VWA8: variants seen among roughly 807,000 people sequenced by gnomAD.
The protein encoded by VWA8 is von Willebrand factor A domain-containing protein 8.
Under a neutral mutation model 241.5 loss-of-function variants are expected in VWA8, and 221 were observed. That is an observed-to-expected ratio of 0.91 (90% CI 0.82 to 1.02). The LOEUF (loss-of-function observed/expected upper bound fraction) is 1.02, where lower values mean the gene tolerates loss of function less well. Among genes scored for constraint, VWA8 ranks in the 50% least tolerant of loss-of-function variants. The probability of loss-of-function intolerance (pLI) is 0.00; values close to 1 mark genes in which losing one functional copy is unlikely to be tolerated. For synonymous variants in VWA8, 852 were observed against 827.1 expected (o/e 1.03, Z -0.52); for missense variants, 2,322 against 2,328.7 (o/e 1.00, Z 0.06).
At chr13:41,800,419 G>A (rs1207140480) in intron 17 of VWA8, among the ~76,000 whole-genome samples, 1 of 152,092 alleles carries the variant, frequency 6.6e-6, no homozygotes, top group African/African-American at 2.4e-5. Context: ...GTAGTGTATG[G>A]GGAGGACATC....
At chr13:41,931,529 G>A (rs1877120048) in intron 2 of VWA8, among the ~76,000 whole-genome samples, 1 of 152,008 alleles carries the variant, frequency 6.6e-6, no homozygotes, top group South Asian at 2.1e-4. Context: ...ACTGTACTGT[G>A]AAATTGTATT....
At chr13:41,730,551 T>C (rs2045474284) in intron 22 of VWA8, among the ~76,000 whole-genome samples, 1 of 152,100 alleles carries the variant, frequency 6.6e-6, no homozygotes, top group African/African-American at 2.4e-5. Context: ...ACAGAATCTA[T>C]AGTCTTGGCA....
At chr13:41,663,825 C>T (rs1033296498) in intron 37 of VWA8, among the ~76,000 whole-genome samples, 1 of 150,360 alleles carries the variant, frequency 6.7e-6, no homozygotes, top group Non-Finnish European at 1.5e-5. Flanking sequence ...TTCTACTTTA[C>T]GATGTAGAAA....
chr13:41,937,653 A>G (rs1877411487), intron 2 of VWA8, among the ~76,000 whole-genome samples: 1 of 152,174 alleles, frequency 6.6e-6, no homozygotes, highest in Non-Finnish European at 1.5e-5. Context: ...CCCATCAGTT[A>G]TACCATGTAG....
intron 37 of VWA8, among the ~76,000 whole-genome samples, chr13:41,656,192 G>A (rs559729976): frequency 2.6e-5 from 4 of 152,290 alleles, no homozygotes; most frequent in Non-Finnish European, 4.4e-5. Context: ...TAAATATGAA[G>A]GCAGAGCAGT....
chr13:41,585,396 T>G (rs2044410681), intron 42 of VWA8, among the ~76,000 whole-genome samples: 1 of 151,718 alleles, frequency 6.6e-6, no homozygotes. Flanking sequence ...AACCAATTTG[T>G]TGGTTAATTC....
intron 20 of VWA8, among the ~76,000 whole-genome samples, chr13:41,772,004 C>T (rs2045827656): frequency 6.6e-6 from 1 of 151,706 alleles, no homozygotes; most frequent in African/African-American, 2.4e-5. Flanking sequence ...GATTCTCCCG[C>T]CTCAGCCTCC....
intron 19 of VWA8, among the ~76,000 whole-genome samples, chr13:41,782,791 G>C (rs779985578): frequency 2.0e-5 from 3 of 151,910 alleles, no homozygotes; most frequent in Admixed American, 1.3e-4. Context: ...ACAGCCACTT[G>C]ACAGAAAAGT....
chr13:41,910,816 A>G (rs1452502996), intron 3 of VWA8, among the ~76,000 whole-genome samples: 1 of 152,124 alleles, frequency 6.6e-6, no homozygotes, highest in Non-Finnish European at 1.5e-5. Flanking sequence ...TCTGCCCCAC[A>G]TGATTTTTGA....
Position 41,787,518 on chromosome 13 carries a change from C to T in VWA8, c.2089G>A (p.Ala697Thr), listed in dbSNP as rs535298426. Residue 697 changes from alanine to threonine, a missense_variant, in exon 18 of 45, where the codon GCA (alanine) becomes ACA (threonine). Ala to Thr is a moderately conservative substitution (Grantham distance 58). Coordinates refer to ENST00000379310, the MANE Select transcript of VWA8 (RefSeq NM_015058.2). ...SRFLPSLARSALEKNLADATI... is the reference protein window; with the variant it reads ...SRFLPSLARSTLEKNLADATI... ...GCATCTGCCAGATTTTTTTCTAATG[C>T]TGACCTAGCAAGACTGGGTAAAAAC... is the stretch of plus-strand genomic sequence containing the variant. 40 of 1,611,848 alleles carry T rather than the reference C, an allele frequency of 2.5e-5. No individual in the cohort carries two copies. In the East Asian group the frequency reaches 2.9e-4, roughly 12 times the overall value.
At chr13:41,829,260 T>G (rs1265971503) in intron 14 of VWA8, among the ~76,000 whole-genome samples, 1 of 152,186 alleles carries the variant, frequency 6.6e-6, no homozygotes, top group Non-Finnish European at 1.5e-5. Context: ...GGCATGCATG[T>G]GGTGAAAAAG....
intron 21 of VWA8, among the ~76,000 whole-genome samples, chr13:41,745,623 A>G (rs11842978): frequency 0.19 from 29,139 of 152,178 alleles, 2,793 homozygotes; most frequent in Middle Eastern, 0.24. Flanking sequence ...ATCATCACTG[A>G]TCATCAGAGA....
At chr13:41,844,861 AAGG>A (rs1872217664) in intron 12 of VWA8, among the ~76,000 whole-genome samples, 1 of 152,170 alleles carries the variant, frequency 6.6e-6, no homozygotes, top group African/African-American at 2.4e-5. Flanking sequence ...AGATCTCTAC[AAGG>A]AGAACTATAA....
At chr13:41,768,850 T>C (rs1442124865) in intron 20 of VWA8, among the ~76,000 whole-genome samples, 1 of 151,816 alleles carries the variant, frequency 6.6e-6, no homozygotes, top group Non-Finnish European at 1.5e-5. Context: ...CTAAATTCAA[T>C]GACCAGGCTT....
intron 42 of VWA8, among the ~76,000 whole-genome samples, chr13:41,576,487 A>G (rs2044351142): frequency 6.6e-6 from 1 of 152,242 alleles, no homozygotes; most frequent in Non-Finnish European, 1.5e-5. Flanking sequence ...GCTGTGTTTT[A>G]AATGGAAAGA....
chr13:41,699,247 C>T lies in VWA8; in HGVS notation c.3388G>A (p.Val1130Ile). The part of the protein sequence containing the change: ...SHENEQNTLY[V>I]VTCNPASLYF... ...AGGGAAGCGGGATTGCATGTAACTACATAGAGAGTATTTTGCTCATTTTCT... is the reference window on the plus strand; with the variant it reads ...AGGGAAGCGGGATTGCATGTAACTATATAGAGAGTATTTTGCTCATTTTCT... Residue 1130 changes from valine to isoleucine, a missense_variant, in exon 29 of 45, where the codon GTA (valine) becomes ATA (isoleucine). By Grantham distance (29) the Val-to-Ile change is conservative. Coordinates refer to ENST00000379310, the MANE Select transcript of VWA8 (RefSeq NM_015058.2). 6.2e-7 allele frequency: 1 copy of T among 1,614,088 alleles called. No homozygotes were observed. The highest frequency in any genetic ancestry group is 8.5e-7 in the Non-Finnish European group (1 of 1,179,994).
intron 20 of VWA8, among the ~76,000 whole-genome samples, chr13:41,764,341 T>C (rs1018446764): frequency 6.6e-6 from 1 of 152,130 alleles, no homozygotes; most frequent in Non-Finnish European, 1.5e-5. Context: ...CCTCCCTTCG[T>C]TTCTCCCTCT....
chr13:41,893,371 T>C (rs1373409665), intron 4 of VWA8, among the ~76,000 whole-genome samples: 1 of 151,908 alleles, frequency 6.6e-6, no homozygotes, highest in Admixed American at 6.6e-5. Context: ...CATTTTAAGA[T>C]CATTTCATGA....
At chr13:41,629,500 A>T (rs1227278499) in intron 37 of VWA8, among the ~76,000 whole-genome samples, 1 of 152,248 alleles carries the variant, frequency 6.6e-6, no homozygotes, top group East Asian at 1.9e-4. Flanking sequence ...AGTTCTAAAC[A>T]TGCCAAGAAA....
Sources: gnomAD v4.1 joint callset for allele counts (sites outside exome capture counted in the v4.1 genomes callset) on GRCh38, gnomAD v4.1.1 for gene constraint, MANE v1.5 for transcripts, NCBI Gene and HGNC (gene_info 2026-07-23, HGNC 2026-07-21) for gene names.